Variants in SLC8A1 observed in about 807,000 individuals in gnomAD.
SLC8A1 encodes sodium/calcium exchanger 1.
Under a neutral mutation model 68.3 loss-of-function variants are expected in SLC8A1, and 18 were observed. The ratio of observed to expected loss-of-function variants is 0.26; its 90% CI spans 0.18 to 0.39. The LOEUF (loss-of-function observed/expected upper bound fraction) is 0.39. Ranked by LOEUF, SLC8A1 falls within the 10% of genes least tolerant of loss-of-function variation. The pLI is 1.00. For missense variants in SLC8A1, 985 were observed against 1,156.7 expected (o/e 0.85, Z 2.15); for synonymous variants, 475 against 415.5 (o/e 1.14, Z -1.74).
intron 2 of SLC8A1, among the ~76,000 whole-genome samples, chr2:40,236,138 C>G (rs1169532130): frequency 6.6e-6 from 1 of 151,984 alleles, no homozygotes; most frequent in East Asian, 1.9e-4. Flanking sequence ...GAGCTGAGTT[C>G]AATTCCTGGG....
At chr2:40,473,705 G>A (rs1704124156) in intron 1 of SLC8A1, among the ~76,000 whole-genome samples, 1 of 152,170 alleles carries the variant, frequency 6.6e-6, no homozygotes, top group Non-Finnish European at 1.5e-5. Context: ...GTTTATTACA[G>A]TATTAATGAG....
rs572138162 is a variant in SLC8A1, at chr2:40,274,121, G to C, written c.1809-96266C>G. 6.2e-4 allele frequency among the ~76,000 whole-genome samples: 93 copies of C among 150,612 alleles called. 1 individual carries two copies. The highest frequency in any genetic ancestry group is 1.8e-3 in the African/African-American group (73 of 40,906). On this transcript the variant is annotated intron_variant, in intron 2 of 7. Transcript: ENST00000406785. ...TCCTTGGCTGAAGAGTCTGGAGTCA[G>C]AGGGCCCTCAGAAGATGTGGAACAG...
At chr2:40,473,518 A>C (rs1448906159) in intron 1 of SLC8A1, among the ~76,000 whole-genome samples, 2 of 152,202 alleles carry the variant, frequency 1.3e-5, no homozygotes, top group Non-Finnish European at 2.9e-5. Context: ...TTCCCCAAAT[A>C]ATATGTCTTG....
At chr2:40,164,559 A>G (rs13019628) in intron 5 of SLC8A1, among the ~76,000 whole-genome samples, 2,553 of 152,264 alleles carry the variant, frequency 0.017, 18 homozygotes, top group African/African-American at 0.034. Context: ...TCACCTTTGC[A>G]TGTTCCTTGC....
chr2:40,370,179 G>T (rs1214232582), intron 2 of SLC8A1, among the ~76,000 whole-genome samples: 2 of 152,150 alleles, frequency 1.3e-5, no homozygotes, highest in African/African-American at 4.8e-5. Flanking sequence ...CTGTACGCTT[G>T]TTGGTGAGTC....
At chr2:40,405,918 G>A (rs1690185373) in intron 2 of SLC8A1, among the ~76,000 whole-genome samples, 1 of 152,182 alleles carries the variant, frequency 6.6e-6, no homozygotes, top group Non-Finnish European at 1.5e-5. Context: ...TTTTGAAAAT[G>A]ATTAGCATGA....
chr2:40,277,987 G>C (rs1017943227), intron 2 of SLC8A1, among the ~76,000 whole-genome samples: 6 of 151,808 alleles, frequency 4.0e-5, no homozygotes, highest in African/African-American at 9.7e-5. Flanking sequence ...AGTAACTTAT[G>C]TAAGTCTACA....
At chr2:40,103,342 G>C (rs544252428) in exon 8 of SLC8A1, 2 of 152,062 alleles carry the variant, frequency 1.3e-5, no homozygotes, top group African/African-American at 4.8e-5. Flanking sequence ...AGCTGTGGCC[G>C]ACCGGTTGAT....
At chr2:40,416,616 A>T (rs2149723575) in intron 2 of SLC8A1, among the ~76,000 whole-genome samples, 1 of 152,206 alleles carries the variant, frequency 6.6e-6, no homozygotes, top group Admixed American at 6.5e-5. Context: ...TAATGTTACT[A>T]TCAAGAACAC....
intron 1 of SLC8A1, among the ~76,000 whole-genome samples, chr2:40,457,954 T>A (rs988232495): frequency 3.3e-5 from 5 of 152,184 alleles, no homozygotes; most frequent in Non-Finnish European, 5.9e-5. Context: ...ATGTATCAGC[T>A]GGGTTATTTA....
chr2:40,236,460 T>C (rs1239538474), intron 2 of SLC8A1, among the ~76,000 whole-genome samples: 1 of 152,224 alleles, frequency 6.6e-6, no homozygotes, highest in Non-Finnish European at 1.5e-5. Flanking sequence ...TTGGCAGATC[T>C]TCCTCCATCC....
intron 2 of SLC8A1, among the ~76,000 whole-genome samples, chr2:40,371,115 G>A (rs979846835): frequency 6.6e-6 from 1 of 152,054 alleles, no homozygotes; most frequent in African/African-American, 2.4e-5. Flanking sequence ...TAAGGTTCAA[G>A]GATTTCTTAG....
intron 2 of SLC8A1, among the ~76,000 whole-genome samples, chr2:40,239,502 G>C (rs1054524296): frequency 1.3e-5 from 2 of 152,228 alleles, no homozygotes; most frequent in East Asian, 3.9e-4. Context: ...AAAAAAGTTA[G>C]GTGATTTGTC....
intron 2 of SLC8A1, among the ~76,000 whole-genome samples, chr2:40,292,307 T>C (rs1018874573): frequency 6.6e-6 from 1 of 152,198 alleles, no homozygotes; most frequent in Admixed American, 6.6e-5. Flanking sequence ...AGTCAGACTA[T>C]TGATCCATCC....
intron 2 of SLC8A1, among the ~76,000 whole-genome samples, chr2:40,255,854 T>C (rs983666514): frequency 6.6e-6 from 1 of 152,190 alleles, no homozygotes; most frequent in African/African-American, 2.4e-5. Context: ...GTGATTACCC[T>C]GAGCCCAAGA....
chr2:40,180,615 A>G (rs1179998566), intron 2 of SLC8A1, among the ~76,000 whole-genome samples: 1 of 152,240 alleles, frequency 6.6e-6, no homozygotes, highest in Non-Finnish European at 1.5e-5. Context: ...ATCCATTATC[A>G]AGATGCTTCA....
At chr2:40,137,682 C>T (rs767622616) in intron 7 of SLC8A1, among the ~76,000 whole-genome samples, 8 of 151,970 alleles carry the variant, frequency 5.3e-5, no homozygotes, top group Non-Finnish European at 1.2e-4. Flanking sequence ...GAAAAAGATG[C>T]AAAGAAAAGG....
At chr2:40,370,581 T>C (rs558159960) in intron 2 of SLC8A1, among the ~76,000 whole-genome samples, 1 of 152,222 alleles carries the variant, frequency 6.6e-6, no homozygotes, top group African/African-American at 2.4e-5. Flanking sequence ...CTTATCAGAA[T>C]GACTTGAGCT....
chr2:40,287,031 A>G (rs935088830), intron 2 of SLC8A1, among the ~76,000 whole-genome samples: 3 of 152,200 alleles, frequency 2.0e-5, no homozygotes, highest in Admixed American at 6.6e-5. Context: ...CCTCTTTCAC[A>G]GGAGTAACAG....
Sources: allele counts gnomAD v4.1 joint callset (sites outside exome capture counted in the v4.1 genomes callset), GRCh38; gene constraint gnomAD v4.1.1; transcripts MANE v1.5; gene names NCBI Gene and HGNC (gene_info 2026-07-23, HGNC 2026-07-21).